The following KDM4C variants were observed in gnomAD, a reference collection of about 807,000 sequenced individuals.
The protein encoded by KDM4C is lysine-specific demethylase 4C.
A neutral mutation model predicts 129.3 loss-of-function variants in KDM4C; 81 were observed. The observed-to-expected ratio is 0.63, with a 90% CI of 0.52 to 0.75. The LOEUF is 0.75. KDM4C is among the 30% of genes least tolerant of loss of function. KDM4C has a pLI of 0.00. For synonymous variants in KDM4C, 573 were observed against 456.1 expected, an observed-to-expected ratio of 1.26 and a Z score of -3.26; for missense variants, 1,457 against 1,304.0, an observed-to-expected ratio of 1.12 and a Z score of -1.81.
intron 19 of KDM4C, among the ~76,000 whole-genome samples, chr9:7,156,326 T>G (rs1448266115): frequency 2.0e-5 from 3 of 152,248 alleles, no homozygotes; most frequent in Non-Finnish European, 4.4e-5. Flanking sequence ...TAATGGTAGT[T>G]TCTTTTGCTG....
At chr9:7,090,221 A>C (rs1835638595) in intron 17 of KDM4C, among the ~76,000 whole-genome samples, 1 of 152,198 alleles carries the variant, frequency 6.6e-6, no homozygotes, top group African/African-American at 2.4e-5. Context: ...TTTCTCCTAA[A>C]TATTTTGACA....
At chr9:7,042,559 T>G (rs1281711596) in intron 15 of KDM4C, among the ~76,000 whole-genome samples, 1 of 152,084 alleles carries the variant, frequency 6.6e-6, no homozygotes, top group African/African-American at 2.4e-5. Context: ...GATTGTGTTT[T>G]GAAAAGGAGT....
chr9:7,120,221 G>A (rs1385129953), intron 18 of KDM4C, among the ~76,000 whole-genome samples: 2 of 151,898 alleles, frequency 1.3e-5, no homozygotes, highest in East Asian at 3.8e-4. Context: ...CAGCCTTTTG[G>A]ATGTTGTTGT....
intron 2 of KDM4C, among the ~76,000 whole-genome samples, chr9:6,798,742 A>T (rs928807647): frequency 1.3e-5 from 2 of 152,162 alleles, no homozygotes; most frequent in East Asian, 1.9e-4. Flanking sequence ...CCCGTTCTCA[A>T]TGAGCTGTTG....
intron 15 of KDM4C, among the ~76,000 whole-genome samples, chr9:7,023,211 G>T (rs1442586921): frequency 6.6e-6 from 1 of 152,176 alleles, no homozygotes; most frequent in African/African-American, 2.4e-5. Flanking sequence ...GTTTAAGTAG[G>T]ATTGGTGTTC....
At chr9:6,911,624 A>C (rs182699656) in intron 8 of KDM4C, among the ~76,000 whole-genome samples, 1 of 152,250 alleles carries the variant, frequency 6.6e-6, no homozygotes, top group Non-Finnish European at 1.5e-5. Context: ...GCACTTGTAT[A>C]AAATGTTCAT....
chr9:6,865,637 G>T (rs144326100), intron 5 of KDM4C, among the ~76,000 whole-genome samples: 6 of 152,240 alleles, frequency 3.9e-5, no homozygotes, highest in African/African-American at 1.4e-4. Flanking sequence ...CGTGATCTCA[G>T]CTCACTGTAA....
intron 1 of KDM4C, among the ~76,000 whole-genome samples, chr9:6,790,102 C>T (rs1826243822): frequency 6.8e-6 from 1 of 148,114 alleles, no homozygotes; most frequent in Non-Finnish European, 1.5e-5. Context: ...TGGCGAAACC[C>T]ATCCCTAAAA....
At chr9:7,068,383 A>G (rs1344319037) in intron 17 of KDM4C, among the ~76,000 whole-genome samples, 1 of 152,156 alleles carries the variant, frequency 6.6e-6, no homozygotes, top group African/African-American at 2.4e-5. Context: ...TTATGTATAC[A>G]ATTTGATCAC....
intron 1 of KDM4C, among the ~76,000 whole-genome samples, chr9:6,746,265 T>TTG (rs1817870579): frequency 9.7e-6 from 1 of 102,596 alleles, no homozygotes; most frequent in Non-Finnish European, 1.8e-5. Context: ...TATATATGTT[T>TTG]TTTTTTTTTT....
chr9:6,862,201 G>A (rs1841061762), intron 5 of KDM4C, among the ~76,000 whole-genome samples: 1 of 152,164 alleles, frequency 6.6e-6, no homozygotes, highest in Non-Finnish European at 1.5e-5. Context: ...TGGTTTTTGG[G>A]AAGATATTAT....
At chr9:6,853,591 C>T (rs1839243128) in intron 5 of KDM4C, among the ~76,000 whole-genome samples, 3 of 152,206 alleles carry the variant, frequency 2.0e-5, no homozygotes, top group Non-Finnish European at 4.4e-5. Flanking sequence ...ACATTTCTAG[C>T]TACCGTGTGT....
At chr9:6,895,979 T>C (rs1291835321) in intron 8 of KDM4C, among the ~76,000 whole-genome samples, 1 of 152,198 alleles carries the variant, frequency 6.6e-6, no homozygotes, top group Non-Finnish European at 1.5e-5. Flanking sequence ...GATTTTGGTA[T>C]CTTTAATCAG....
In KDM4C at chr9:6,968,881, T is replaced by C. The variant is rs16924980; in HGVS notation, c.922-12044T>C. ...AATAATCTGTTTTAGTTTGAGTGTT[T>C]AAAATTTTTATATTGGTTCTGGGAT... On this transcript the variant is annotated intron_variant, in intron 8 of 21. Coordinates refer to ENST00000381309, the MANE Select transcript of KDM4C (RefSeq NM_015061.6). Among the ~76,000 whole-genome samples, 308 of 152,330 alleles carry C rather than the reference T, an allele frequency of 2.0e-3. 3 individuals are homozygous for C. The East Asian group carries it at 0.04, about 20-fold the overall frequency.
chr9:6,761,058 CTG>C (rs1819394690), intron 1 of KDM4C, among the ~76,000 whole-genome samples: 1 of 143,482 alleles, frequency 7.0e-6, no homozygotes, highest in African/African-American at 2.6e-5. Flanking sequence ...GAGTCTCACT[CTG>C]TGCCAATGGC....
At chr9:7,059,958 C>G (rs543176205) in intron 17 of KDM4C, among the ~76,000 whole-genome samples, 24 of 151,872 alleles carry the variant, frequency 1.6e-4, no homozygotes, top group Non-Finnish European at 2.9e-4. Context: ...TTTTGTGATC[C>G]TTAATAACGT....
At chr9:6,808,531 C>G (rs1830552556) in intron 3 of KDM4C, among the ~76,000 whole-genome samples, 1 of 147,468 alleles carries the variant, frequency 6.8e-6, no homozygotes. Flanking sequence ...TCCCTAATCT[C>G]AAGTAATCAG....
At chr9:7,048,907 G>A (rs148629910) in intron 16 of KDM4C, among the ~76,000 whole-genome samples, 185 bp from the exon 17 acceptor site, 2 of 152,160 alleles carry the variant, frequency 1.3e-5, no homozygotes, top group African/African-American at 4.8e-5. Flanking sequence ...TTGGGCAGCT[G>A]TGGTACTGAG....
chr9:6,905,179 A>G (rs929279196), intron 8 of KDM4C, among the ~76,000 whole-genome samples: 2 of 152,246 alleles, frequency 1.3e-5, no homozygotes, highest in Non-Finnish European at 2.9e-5. Context: ...TGAGGATGCC[A>G]TAGTATATAT....
Sources: allele counts gnomAD v4.1 joint callset (sites outside exome capture counted in the v4.1 genomes callset), GRCh38; gene constraint gnomAD v4.1.1; transcripts MANE v1.5; gene names NCBI Gene and HGNC (gene_info 2026-07-23, HGNC 2026-07-21).